LNX2: variants seen among roughly 807,000 people sequenced by gnomAD.
The protein encoded by LNX2 is ligand of numb-protein X 2.
A neutral mutation model predicts 66.2 loss-of-function variants in LNX2; 35 were observed. The ratio of observed to expected loss-of-function variants is 0.53; its 90% CI spans 0.40 to 0.70. The LOEUF is 0.70. Ranked by LOEUF, LNX2 falls within the 30% of genes least tolerant of loss-of-function variation. LNX2 has a pLI of 0.00. For synonymous variants in LNX2, 337 were observed against 315.6 expected, an observed-to-expected ratio of 1.07 and a Z score of -0.72; for missense variants, 791 against 850.8, an observed-to-expected ratio of 0.93 and a Z score of 0.87.
At chr13:27,585,300 T>C (rs1428693071) in intron 1 of LNX2, among the ~76,000 whole-genome samples, 1 of 151,720 alleles carries the variant, frequency 6.6e-6, no homozygotes, top group East Asian at 1.9e-4. Flanking sequence ...CGGGCGCCTG[T>C]AGTCCCAGCT....
At chr13:27,594,711 C>T (rs558903513) in intron 1 of LNX2, among the ~76,000 whole-genome samples, 1 of 152,222 alleles carries the variant, frequency 6.6e-6, no homozygotes, top group South Asian at 2.1e-4. Context: ...CAAGGCACGC[C>T]TATATTCCCA....
intron 1 of LNX2, among the ~76,000 whole-genome samples, chr13:27,613,100 A>G (rs924188336): frequency 6.6e-6 from 1 of 152,268 alleles, no homozygotes; most frequent in African/African-American, 2.4e-5. Flanking sequence ...TACCAAAGCA[A>G]TGTGGAGACA....
At chr13:27,602,656 G>A (rs1391519834) in intron 1 of LNX2, among the ~76,000 whole-genome samples, 2 of 152,126 alleles carry the variant, frequency 1.3e-5, no homozygotes, top group Non-Finnish European at 2.9e-5. Flanking sequence ...GAACTTCTAT[G>A]AACCTATGTT....
At chr13:27,578,951 A>G (rs1014762821) in intron 2 of LNX2, among the ~76,000 whole-genome samples, 2 of 152,228 alleles carry the variant, frequency 1.3e-5, no homozygotes, top group Non-Finnish European at 2.9e-5. Context: ...GTTTCTCAGC[A>G]ATGAATAACT....
At chr13:27,583,255 T>TGTGTGTGTGCGCGC (rs1555268514) in intron 1 of LNX2, among the ~76,000 whole-genome samples, 1 of 58,530 alleles carries the variant, frequency 1.7e-5, no homozygotes, top group Admixed American at 1.8e-4. Flanking sequence ...TGTGTGTGTG[T>TGTGTGTGTGCGCGC]GCGCGCGTCC....
chr13:27,553,542 C>G, intron 7 of LNX2, 103 bp from the exon 8 acceptor site: 1 of 742,570 alleles, frequency 1.3e-6, no homozygotes, highest in East Asian at 2.5e-5. Flanking sequence ...TCCCCCAACT[C>G]TGATGAGATA....
intron 1 of LNX2, among the ~76,000 whole-genome samples, chr13:27,616,985 G>A (rs964000508): frequency 1.3e-5 from 2 of 152,150 alleles, no homozygotes; most frequent in South Asian, 2.1e-4. Flanking sequence ...TCCTGACCTC[G>A]TGATCGCCCG....
chr13:27,561,332 CAG>C (rs1566117265), intron 5 of LNX2, among the ~76,000 whole-genome samples: 1 of 151,094 alleles, frequency 6.6e-6, no homozygotes, highest in Non-Finnish European at 1.5e-5. Flanking sequence ...TTTACTCAAA[CAG>C]ATGCTATAAC....
intron 1 of LNX2, among the ~76,000 whole-genome samples, chr13:27,584,874 T>C (rs958266110): frequency 3.3e-5 from 5 of 151,666 alleles, no homozygotes; most frequent in Non-Finnish European, 7.4e-5. Context: ...TCTCAGCACT[T>C]TGGGAGGCTG....
At chr13:27,564,491 T>A (rs1955180465) in intron 4 of LNX2, among the ~76,000 whole-genome samples, 1 of 152,176 alleles carries the variant, frequency 6.6e-6, no homozygotes, top group Non-Finnish European at 1.5e-5. Context: ...CTTTTATTAA[T>A]GATATTGAGG....
chr13:27,549,213 A>C (rs567334119), intron 9 of LNX2, among the ~76,000 whole-genome samples: 27 of 152,294 alleles, frequency 1.8e-4, no homozygotes, highest in African/African-American at 6.0e-4. Flanking sequence ...TACCACTCCC[A>C]ATCACCTTTC....
chr13:27,568,914 CTGTT>C, intron 3 of LNX2, 111 bp downstream of exon 3: 1 of 1,104,162 alleles, frequency 9.1e-7, no homozygotes, highest in South Asian at 1.9e-5. Context: ...TCTTTTATTT[CTGTT>C]TATTTTTATT....
intron 1 of LNX2, among the ~76,000 whole-genome samples, chr13:27,596,123 A>G (rs1004701483): frequency 6.6e-6 from 1 of 152,212 alleles, no homozygotes; most frequent in African/African-American, 2.4e-5. Context: ...ATTTTTTTCA[A>G]TGAATTTATT....
At chr13:27,611,912 G>A (rs567195507) in intron 1 of LNX2, among the ~76,000 whole-genome samples, 14 of 152,290 alleles carry the variant, frequency 9.2e-5, no homozygotes, top group African/African-American at 3.1e-4. Flanking sequence ...GTTAAAGATT[G>A]GAGCATATTT....
intron 1 of LNX2, among the ~76,000 whole-genome samples, chr13:27,583,439 G>A (rs978572114): frequency 6.6e-6 from 1 of 151,968 alleles, no homozygotes; most frequent in African/African-American, 2.4e-5. Flanking sequence ...TGTAATTTTA[G>A]TAGACACGGG....
intron 1 of LNX2, among the ~76,000 whole-genome samples, chr13:27,603,997 G>A (rs972307034): frequency 1.3e-5 from 2 of 149,156 alleles, no homozygotes; most frequent in East Asian, 3.9e-4. Flanking sequence ...GCTCACACCT[G>A]TAATCCCAGC....
chr13:27,567,499 T>A (rs772576189), intron 4 of LNX2, 141 bp downstream of exon 4: 3 of 683,648 alleles, frequency 4.4e-6, no homozygotes, highest in Non-Finnish European at 7.6e-6. Flanking sequence ...AAATTACACA[T>A]AAATTCTGAT....
Position 27,562,745 on chromosome 13 carries a change from A to C in LNX2, c.892T>G (p.Tyr298Asp), listed in dbSNP as rs1417846670. The C allele has an allele frequency of 4.3e-6, 7 of 1,614,020 alleles. No individual in the cohort carries two copies. Among genetic ancestry groups the C allele is most frequent in the Non-Finnish European group, 5.9e-6 (7 of 1,179,994 alleles). ...GGCTGGGAAAGGACAGCTCGGGCATAGTTATGGGACACATTGCTGATATTG... is the reference window on the plus strand; with the variant it reads ...GGCTGGGAAAGGACAGCTCGGGCATCGTTATGGGACACATTGCTGATATTG... ...NYNISNVSHNYARAVLSQPCN... is the reference protein window; with the variant it reads ...NYNISNVSHNDARAVLSQPCN... Residue 298 changes from tyrosine to aspartate, a missense_variant, in exon 5 of 10, where the codon TAT (tyrosine) becomes GAT (aspartate). Tyr to Asp is a radical substitution (Grantham distance 160). Transcript: ENST00000316334.
chr13:27,569,019 C>T lies in LNX2; in HGVS notation c.655+10G>A. On this transcript the variant is annotated intron_variant, in intron 3 of 9. Coordinates refer to ENST00000316334, the MANE Select transcript of LNX2 (RefSeq NM_153371.4). ...GAGATGAAATACACAAGGAGTTGCA[C>T]CACACATACTGTCAGCTCCAGCGCT... is the stretch of plus-strand genomic sequence containing the variant. 1 of 1,609,634 alleles carries T rather than the reference C, an allele frequency of 6.2e-7. No individual in the cohort carries two copies. Among genetic ancestry groups the T allele is most frequent in the Non-Finnish European group, 8.5e-7 (1 of 1,178,322 alleles).
Sources: allele counts gnomAD v4.1 joint callset (sites outside exome capture counted in the v4.1 genomes callset), GRCh38; gene constraint gnomAD v4.1.1; transcripts MANE v1.5; gene names NCBI Gene and HGNC (gene_info 2026-07-23, HGNC 2026-07-21).